Variants in CNTN5 observed in about 807,000 individuals in gnomAD.
CNTN5 encodes contactin-5.
CNTN5 carries 77 observed loss-of-function variants against 129.1 expected under a neutral mutation model. The observed-to-expected ratio is 0.60, with a 90% CI of 0.50 to 0.72. The LOEUF (loss-of-function observed/expected upper bound fraction) is 0.72, where lower values mean the gene tolerates loss of function less well. CNTN5 is among the 30% of genes least tolerant of loss of function. The probability of loss-of-function intolerance (pLI) is 0.00; values close to 1 mark genes in which losing one functional copy is unlikely to be tolerated. For synonymous variants in CNTN5, 509 were observed against 465.6 expected (o/e 1.09, Z -1.20); for missense variants, 1,478 against 1,328.8 (o/e 1.11, Z -1.75).
intron 1 of CNTN5, among the ~76,000 whole-genome samples, chr11:99,065,561 A>C: frequency 6.6e-6 from 1 of 152,190 alleles, no homozygotes; most frequent in Non-Finnish European, 1.5e-5. Context: ...TAGTGTTGCC[A>C]TCTCTTTATG....
chr11:99,959,846 T>TA (rs1484555284), intron 8 of CNTN5, among the ~76,000 whole-genome samples: 1 of 152,238 alleles, frequency 6.6e-6, no homozygotes, highest in Non-Finnish European at 1.5e-5. Context: ...TCTTATTTTT[T>TA]ACCAGAGAAG....
rs11219959 is a variant in CNTN5, at chr11:99,445,689, C to G, written c.-70-110456C>G. Among the ~76,000 whole-genome samples, 921 of 152,244 alleles carry G rather than the reference C, an allele frequency of 6.0e-3. 6 individuals are homozygous for G. Among genetic ancestry groups the G allele is most frequent in the Non-Finnish European group, 9.5e-3 (646 of 68,002 alleles). On this transcript the variant is annotated intron_variant, in intron 2 of 24. Transcript: ENST00000524871. ...AGATGTTAACTAAGGAAATGGACAG[C>G]GTCCTCTATCTTCCATTCACTCAAC...
intron 1 of CNTN5, among the ~76,000 whole-genome samples, chr11:99,073,509 G>A (rs1387675073): frequency 1.3e-5 from 2 of 149,832 alleles, no homozygotes; most frequent in East Asian, 4.0e-4. Flanking sequence ...TTTAAGCCTC[G>A]CATGCATTAG....
At chr11:99,135,647 T>TTC (rs397745411) in intron 1 of CNTN5, among the ~76,000 whole-genome samples, 1 of 151,784 alleles carries the variant, frequency 6.6e-6, no homozygotes, top group African/African-American at 2.4e-5. Context: ...GTTTCTTTTT[T>TTC]CCCAACATAC....
intron 12 of CNTN5, among the ~76,000 whole-genome samples, chr11:100,072,981 C>T (rs867303391): frequency 1.3e-5 from 1 of 79,602 alleles, no homozygotes; most frequent in Non-Finnish European, 2.1e-5. Flanking sequence ...AAATTCTATT[C>T]CCAGGAGGCA....
intron 2 of CNTN5, among the ~76,000 whole-genome samples, chr11:99,480,030 C>A (rs1945531147): frequency 1.3e-5 from 2 of 152,022 alleles, no homozygotes; most frequent in South Asian, 4.2e-4. Context: ...AGTAGAGATA[C>A]AAAATATAGA....
intron 13 of CNTN5, among the ~76,000 whole-genome samples, chr11:100,120,764 G>T (rs1945991201): frequency 1.3e-5 from 2 of 151,744 alleles, no homozygotes; most frequent in Non-Finnish European, 2.9e-5. Flanking sequence ...TATTAATCAA[G>T]ATAGTAAGGG....
At chr11:99,333,038 A>G (rs1866069612) in intron 2 of CNTN5, among the ~76,000 whole-genome samples, 1 of 152,102 alleles carries the variant, frequency 6.6e-6, no homozygotes, top group Non-Finnish European at 1.5e-5. Flanking sequence ...GTGAAAAAGC[A>G]TAATAAATTG....
intron 3 of CNTN5, among the ~76,000 whole-genome samples, chr11:99,729,026 G>A (rs554390047): frequency 9.9e-5 from 15 of 152,256 alleles, no homozygotes; most frequent in African/African-American, 3.6e-4. Context: ...ATAGGAGCAT[G>A]TCCTCTGGGG....
Position 100,303,463 on chromosome 11 carries a change from C to T in CNTN5, c.2620+4067C>T, listed in dbSNP as rs1398222792. Among the ~76,000 whole-genome samples, 5 of 151,348 alleles carry T rather than the reference C, an allele frequency of 3.3e-5. No individual in the cohort carries two copies. In the East Asian group the frequency reaches 5.8e-4, roughly 18 times the overall value. On this transcript the variant is annotated intron_variant, in intron 20 of 24. Coordinates refer to ENST00000524871, the MANE Select transcript of CNTN5 (RefSeq NM_014361.4). ...CACTTAGTTCTTCTCACCATAACTT[C>T]GGAAATGAAAAGAACTGGAGCATTC...
At chr11:99,583,612 G>T (rs1207914673) in intron 3 of CNTN5, among the ~76,000 whole-genome samples, 2 of 152,196 alleles carry the variant, frequency 1.3e-5, no homozygotes, top group Non-Finnish European at 2.9e-5. Context: ...GTGGGTGTAG[G>T]ACTCTCTGAG....
intron 1 of CNTN5, among the ~76,000 whole-genome samples, chr11:99,283,884 T>C (rs1322836650): frequency 6.6e-6 from 1 of 152,252 alleles, no homozygotes; most frequent in South Asian, 2.1e-4. Context: ...ACTGATACCA[T>C]TGTCTAGAAT....
At chr11:99,834,300 C>A (rs957217404) in intron 4 of CNTN5, among the ~76,000 whole-genome samples, 1 of 152,116 alleles carries the variant, frequency 6.6e-6, no homozygotes, top group African/African-American at 2.4e-5. Flanking sequence ...AACAAAAACT[C>A]TTGATTGCTT....
intron 13 of CNTN5, among the ~76,000 whole-genome samples, chr11:100,144,388 T>C (rs1408736395): frequency 6.6e-6 from 1 of 152,152 alleles, no homozygotes; most frequent in East Asian, 1.9e-4. Flanking sequence ...CTTCCACTTT[T>C]TGGAGTCCCA....
chr11:99,431,658 T>C (rs1943375457), intron 2 of CNTN5, among the ~76,000 whole-genome samples: 1 of 152,112 alleles, frequency 6.6e-6, no homozygotes, highest in Admixed American at 6.6e-5. Flanking sequence ...GTCCCTTCCA[T>C]TGGTCACCAA....
intron 3 of CNTN5, among the ~76,000 whole-genome samples, chr11:99,792,794 A>C (rs1945798494): frequency 6.6e-6 from 1 of 152,020 alleles, no homozygotes; most frequent in Admixed American, 6.6e-5. Context: ...TTACTGTTTC[A>C]AATGCAGAAC....
chr11:100,213,004 C>T (rs1359820754), intron 15 of CNTN5, among the ~76,000 whole-genome samples: 1 of 152,002 alleles, frequency 6.6e-6, no homozygotes, highest in Non-Finnish European at 1.5e-5. Flanking sequence ...CAGAATTATT[C>T]CCCATGGCAG....
intron 7 of CNTN5, among the ~76,000 whole-genome samples, chr11:99,926,725 A>G (rs4753961): frequency 0.26 from 39,765 of 151,914 alleles, 5,440 homozygotes; most frequent in East Asian, 0.42. Flanking sequence ...ATTTCTAAAG[A>G]TTTCTTAGTT....
chr11:100,043,124 C>G (rs1591117816), intron 9 of CNTN5, among the ~76,000 whole-genome samples: 1 of 152,134 alleles, frequency 6.6e-6, no homozygotes, highest in Admixed American at 6.5e-5. Flanking sequence ...TAAAATCTTA[C>G]TATGCTCTCA....
Sources: gnomAD v4.1 joint callset for allele counts (sites outside exome capture counted in the v4.1 genomes callset) on GRCh38, gnomAD v4.1.1 for gene constraint, MANE v1.5 for transcripts, NCBI Gene and HGNC (gene_info 2026-07-23, HGNC 2026-07-21) for gene names.